The following TEX2 variants were observed in gnomAD, a reference collection of about 807,000 sequenced individuals.
TEX2 encodes testis expressed 2, also known as testis-expressed protein 2.
In TEX2, 53 loss-of-function variants were observed where a neutral mutation model predicts 106.9. The observed-to-expected ratio is 0.50, with a 90% CI of 0.40 to 0.62. The LOEUF (loss-of-function observed/expected upper bound fraction) is 0.62. TEX2 is among the 20% of genes least tolerant of loss of function. The pLI is 0.00. For missense variants in TEX2, 1,207 were observed against 1,379.0 expected (o/e 0.88, Z 1.98); for synonymous variants, 523 against 534.8 (o/e 0.98, Z 0.30).
At chr17:64,160,974 A>G (rs747811285) in intron 7 of TEX2, 41 bp from the exon 8 acceptor site, 1 of 1,596,402 alleles carries the variant, frequency 6.3e-7, no homozygotes, top group East Asian at 2.2e-5. Context: ...TTTTCCCTCA[A>G]AAAAACACAT....
At chr17:64,168,212 G>A (rs1379912476) in intron 7 of TEX2, among the ~76,000 whole-genome samples, 2 of 152,096 alleles carry the variant, frequency 1.3e-5, no homozygotes, top group African/African-American at 4.8e-5. Context: ...AGATTCCCCC[G>A]TAGAGCACTG....
chr17:64,203,026 T>C (rs1328326750), intron 2 of TEX2, among the ~76,000 whole-genome samples: 1 of 152,250 alleles, frequency 6.6e-6, no homozygotes, highest in Non-Finnish European at 1.5e-5. Flanking sequence ...AAAGGGGCCA[T>C]TTAATATTTT....
At chr17:64,209,349 G>C (rs968580196) in intron 2 of TEX2, among the ~76,000 whole-genome samples, 2 of 152,152 alleles carry the variant, frequency 1.3e-5, no homozygotes, top group African/African-American at 2.4e-5. Flanking sequence ...TTTCTAAATA[G>C]AGAATGCATT....
intron 1 of TEX2, among the ~76,000 whole-genome samples, chr17:64,250,827 G>T (rs1427277768): frequency 6.6e-6 from 1 of 152,086 alleles, no homozygotes; most frequent in Non-Finnish European, 1.5e-5. Context: ...GACCACAGGT[G>T]CATGTCACCA....
At chr17:64,212,072 C>T (rs782741128) in intron 2 of TEX2, among the ~76,000 whole-genome samples, 34 of 152,232 alleles carry the variant, frequency 2.2e-4, no homozygotes, top group Non-Finnish European at 4.1e-4. Flanking sequence ...AGCCTGACAT[C>T]TGATATGCAG....
At chr17:64,160,760 G>C in intron 8 of TEX2, 41 bp downstream of exon 8, 5 of 1,607,220 alleles carry the variant, frequency 3.1e-6, no homozygotes, top group Non-Finnish European at 3.4e-6. Flanking sequence ...AGAAGCTGGT[G>C]CCCCAGGATT....
Position 64,170,673 on chromosome 17 carries a change from T to C in TEX2, c.2671+427A>G, listed in dbSNP as rs377700383. Reference sequence around the variant, plus strand: ...GTGAGACAGAGTCTCGCTCTTGTCATCCAGGCTGGAGTCCAGTGGCACGAT... The same window carrying C: ...GTGAGACAGAGTCTCGCTCTTGTCACCCAGGCTGGAGTCCAGTGGCACGAT... On this transcript the variant is annotated intron_variant, in intron 7 of 11. Transcript: ENST00000584379. Among the ~76,000 whole-genome samples, 6 of 144,172 alleles carry C rather than the reference T, an allele frequency of 4.2e-5. No homozygotes were observed. The East Asian group carries it at 1.2e-3, about 29-fold the overall frequency. The allele number at this position is 144,172 out of a possible 152,430, so 94.6% of individuals were successfully genotyped here.
chr17:64,197,852 C>T (rs2032526051), intron 2 of TEX2, among the ~76,000 whole-genome samples: 1 of 152,178 alleles, frequency 6.6e-6, no homozygotes, highest in African/African-American at 2.4e-5. Context: ...GCATGAACTA[C>T]CACACCCATC....
intron 7 of TEX2, among the ~76,000 whole-genome samples, chr17:64,164,360 C>G (rs1187245855): frequency 6.6e-6 from 1 of 151,946 alleles, no homozygotes; most frequent in Admixed American, 6.6e-5. Context: ...ATGGCTTGAG[C>G]CTGGGGGGCA....
chr17:64,243,846 C>T (rs1487956870), intron 1 of TEX2, among the ~76,000 whole-genome samples: 2 of 147,006 alleles, frequency 1.4e-5, no homozygotes, highest in Non-Finnish European at 3.0e-5. Context: ...TCTCACTCTG[C>T]TGCCCAGGTT....
chr17:64,189,026 C>T (rs1043573208), intron 4 of TEX2, among the ~76,000 whole-genome samples: 4 of 152,036 alleles, frequency 2.6e-5, no homozygotes, highest in African/African-American at 9.7e-5. Flanking sequence ...CAAGTAGTGG[C>T]GAACTTGTCA....
intron 1 of TEX2, among the ~76,000 whole-genome samples, chr17:64,223,022 GC>G (rs1395103031): frequency 1.4e-4 from 21 of 152,264 alleles, no homozygotes; most frequent in African/African-American, 4.8e-4. Flanking sequence ...GACTGAGAAA[GC>G]CTCTAATAAG....
At chr17:64,167,067 G>A (rs1045013475) in intron 7 of TEX2, among the ~76,000 whole-genome samples, 1 of 152,192 alleles carries the variant, frequency 6.6e-6, no homozygotes, top group African/African-American at 2.4e-5. Context: ...AAGGGACACA[G>A]CTTGCCTATC....
At chr17:64,259,032 G>A (rs782608205) in intron 1 of TEX2, among the ~76,000 whole-genome samples, 1 of 152,194 alleles carries the variant, frequency 6.6e-6, no homozygotes, top group Non-Finnish European at 1.5e-5. Context: ...ACAGGCATGA[G>A]CCACCGCGCC....
chr17:64,237,030 C>T (rs1485034529), intron 1 of TEX2, among the ~76,000 whole-genome samples: 1 of 152,170 alleles, frequency 6.6e-6, no homozygotes, highest in African/African-American at 2.4e-5. Flanking sequence ...GAGACAATCA[C>T]ATAATCAATG....
At chr17:64,224,526 TAAAGA>T (rs1289199900) in intron 1 of TEX2, among the ~76,000 whole-genome samples, 5 of 152,142 alleles carry the variant, frequency 3.3e-5, no homozygotes, top group African/African-American at 7.2e-5. Context: ...TAGTTTCATT[TAAAGA>T]AAAGAAAAAG....
chr17:64,178,210 G>A (rs2877418), intron 5 of TEX2, among the ~76,000 whole-genome samples: 108,282 of 152,110 alleles, frequency 0.71, 38,643 homozygotes, highest in East Asian at 0.83. Context: ...AATGTGTGAG[G>A]TGGGGGAGAA....
At chr17:64,238,918 C>T (rs1473746549) in intron 1 of TEX2, among the ~76,000 whole-genome samples, 1 of 152,102 alleles carries the variant, frequency 6.6e-6, no homozygotes, top group Non-Finnish European at 1.5e-5. Flanking sequence ...CTGATAAGCA[C>T]CAATTCACTA....
intron 1 of TEX2, among the ~76,000 whole-genome samples, chr17:64,249,598 G>T (rs1598228240): frequency 2.0e-5 from 3 of 152,188 alleles, no homozygotes; most frequent in Non-Finnish European, 4.4e-5. Context: ...ACAGACTTCT[G>T]GAAGGATCTC....
Sources: gnomAD v4.1 joint callset for allele counts (sites outside exome capture counted in the v4.1 genomes callset) on GRCh38, gnomAD v4.1.1 for gene constraint, MANE v1.5 for transcripts, NCBI Gene and HGNC (gene_info 2026-07-23, HGNC 2026-07-21) for gene names.